Variants in SLK observed in about 807,000 individuals in gnomAD.
SLK encodes STE20 like kinase, also known as STE20-like serine/threonine-protein kinase.
In SLK, 67 loss-of-function variants were observed where a neutral mutation model predicts 147.7. That is an observed-to-expected ratio of 0.45 (90% CI 0.37 to 0.56). The LOEUF (loss-of-function observed/expected upper bound fraction) is 0.56. Among genes scored for constraint, SLK ranks in the 20% least tolerant of loss-of-function variants. The pLI is 0.00. For synonymous variants in SLK, 441 were observed against 475.0 expected (o/e 0.93, Z 0.93); for missense variants, 1,136 against 1,438.8 (o/e 0.79, Z 3.41).
Position 104,002,363 on chromosome 10 carries a change from G to A in SLK, c.1185G>A (p.Glu395=). ...PTTDEPEKAV[E]DINEHITDAQ... is the part of the protein sequence containing the mutation. ...CTGATGAACCTGAAAAGGCTGTGGA[G>A]GATATTAATGAACATATTACCGATG... The change falls in exon 9 of 19, where the codon GAG becomes GAA. Residue 395 remains glutamate (E), a synonymous_variant. Transcript: ENST00000369755. The A allele has an allele frequency of 6.2e-7, 1 of 1,613,500 alleles. No individual in the cohort carries two copies. The highest frequency in any genetic ancestry group is 1.7e-5 in the Admixed American group (1 of 59,912).
rs1280959179 is a variant in SLK at position 104,007,923 on chromosome 10, G to A, written c.2605-254G>A. On this transcript the variant is annotated intron_variant, in intron 11 of 18. Coordinates refer to ENST00000369755, the MANE Select transcript of SLK (RefSeq NM_014720.4). ...ACTGTGATTGTGCAACTGCACTCCAGCCTGGGTGACAGAGTGAGACCCTGT... is the reference window on the plus strand; with the variant it reads ...ACTGTGATTGTGCAACTGCACTCCAACCTGGGTGACAGAGTGAGACCCTGT... Among the ~76,000 whole-genome samples, 3 of 152,116 alleles carry A rather than the reference G, an allele frequency of 2.0e-5. No individual in the cohort carries two copies. In the East Asian group the frequency reaches 5.8e-4, roughly 29 times the overall value.
Position 104,003,393 on chromosome 10 carries a change from G to A in SLK, c.2215G>A (p.Glu739Lys). Residue 739 changes from glutamate (E) to lysine (K), a missense_variant, in exon 9 of 19, where the codon GAA (glutamate) becomes AAA (lysine). By Grantham distance (56) the Glu-to-Lys change is moderately conservative. Around this residue, in one of 6 missense-constraint regions of SLK, gnomAD observed 516 missense variants for 531.3 expected, o/e 0.97. Coordinates refer to ENST00000369755, the MANE Select transcript of SLK (RefSeq NM_014720.4). Reference sequence around the variant, plus strand: ...AAAAACTGAAACTATTCTGCCACCAGAATCTGAGAATCCAAAGGAAAATGA... The same window carrying A: ...AAAAACTGAAACTATTCTGCCACCAAAATCTGAGAATCCAAAGGAAAATGA... ...LSKTETILPP[E>K]SENPKENDND... 1 of 1,614,040 alleles carries A rather than the reference G, an allele frequency of 6.2e-7. No individual in the cohort carries two copies. The highest frequency in any genetic ancestry group is 8.5e-7 in the Non-Finnish European group (1 of 1,179,956).
chr10:103,997,541 G>A (rs916183435), intron 4 of SLK, among the ~76,000 whole-genome samples: 1 of 151,876 alleles, frequency 6.6e-6, no homozygotes, highest in African/African-American at 2.4e-5. Flanking sequence ...CATTTCTAAC[G>A]GAAATGTACA....
intron 18 of SLK, among the ~76,000 whole-genome samples, chr10:104,022,980 T>C (rs1322313167): frequency 1.3e-5 from 2 of 152,274 alleles, no homozygotes; most frequent in Non-Finnish European, 2.9e-5. Context: ...TCATGTAGTT[T>C]AGAATTCAAA....
chr10:103,982,500 A>G (rs1184069863), intron 1 of SLK, among the ~76,000 whole-genome samples: 1 of 152,244 alleles, frequency 6.6e-6, no homozygotes, highest in Non-Finnish European at 1.5e-5. Context: ...TGAAGAAAAT[A>G]TAAGGAGAAT....
intron 7 of SLK, 65 bp from the exon 8 acceptor site, chr10:104,001,375 TTGTG>T (rs1564657652): frequency 1.6e-6 from 2 of 1,240,090 alleles, no homozygotes; most frequent in African/African-American, 3.0e-5. Flanking sequence ...AGAATGTGTG[TTGTG>T]TGTGTTTGAA....
At chr10:103,983,634 C>T (rs1258802248) in intron 1 of SLK, among the ~76,000 whole-genome samples, 2 of 150,252 alleles carry the variant, frequency 1.3e-5, no homozygotes, top group East Asian at 3.9e-4. Context: ...AACTTCCTGT[C>T]TGCTTGTTAC....
chr10:104,015,749 A>G (rs1454717281), intron 13 of SLK, among the ~76,000 whole-genome samples: 2 of 152,184 alleles, frequency 1.3e-5, no homozygotes, highest in Non-Finnish European at 2.9e-5. Context: ...TAGATGAGAA[A>G]TTACATTTAC....
At chr10:103,995,254 G>C (rs1386216300) in intron 4 of SLK, among the ~76,000 whole-genome samples, 2 of 151,986 alleles carry the variant, frequency 1.3e-5, no homozygotes, top group African/African-American at 4.8e-5. Context: ...AGCTCATGTT[G>C]TTCCATCTTT....
chr10:103,975,738 C>T (rs913986571), intron 1 of SLK, among the ~76,000 whole-genome samples: 3 of 151,914 alleles, frequency 2.0e-5, no homozygotes, highest in African/African-American at 4.8e-5. Context: ...ATAGTTTATC[C>T]ATTCTGTAGT....
At chr10:103,996,631 C>T (rs1203448915) in intron 4 of SLK, among the ~76,000 whole-genome samples, 1 of 152,028 alleles carries the variant, frequency 6.6e-6, no homozygotes, top group Non-Finnish European at 1.5e-5. Context: ...ATCTCCTGAC[C>T]TCGTGATCCA....
chr10:104,003,922 A>G (rs1227589856), intron 9 of SLK, among the ~76,000 whole-genome samples: 1 of 152,216 alleles, frequency 6.6e-6, no homozygotes, highest in Non-Finnish European at 1.5e-5. Context: ...TGGCCCATAC[A>G]GTCACAGACA....
At chr10:103,983,169 T>G (rs1337597934) in intron 1 of SLK, among the ~76,000 whole-genome samples, 2 of 152,210 alleles carry the variant, frequency 1.3e-5, no homozygotes, top group Admixed American at 6.5e-5. Context: ...TCTGTGTGTT[T>G]GCTAAATGAT....
At chr10:104,025,370 C>G (rs1031921676) in intron 18 of SLK, among the ~76,000 whole-genome samples, 1 of 151,986 alleles carries the variant, frequency 6.6e-6, no homozygotes, top group African/African-American at 2.4e-5. Flanking sequence ...AGTAATGGAC[C>G]CAAATTGTCC....
chr10:103,977,427 A>T (rs1372741451), intron 1 of SLK, among the ~76,000 whole-genome samples: 1 of 152,180 alleles, frequency 6.6e-6, no homozygotes, highest in African/African-American at 2.4e-5. Context: ...CCTGGGCAAC[A>T]TAGCGAGACC....
At chr10:104,008,111 T>A (rs1844352034) in intron 11 of SLK, 66 bp from the exon 12 acceptor site, 2 of 1,218,868 alleles carry the variant, frequency 1.6e-6, no homozygotes, top group Non-Finnish European at 2.3e-6. Context: ...TTAGGAAACA[T>A]CTTTACTATA....
chr10:104,010,941 G>A (rs777630922), intron 13 of SLK, 33 bp downstream of exon 13: 56 of 1,383,838 alleles, frequency 4.0e-5, no homozygotes, highest in Non-Finnish European at 5.2e-5. Flanking sequence ...ACTAAAACCA[G>A]AAAGCACCAT....
At chr10:104,022,046 G>A (rs1844542566) in intron 18 of SLK, among the ~76,000 whole-genome samples, 1 of 152,322 alleles carries the variant, frequency 6.6e-6, no homozygotes, top group Admixed American at 6.5e-5. Flanking sequence ...TGCAAGCCAA[G>A]TGAGTCTTGA....
At chr10:104,016,791 C>T (rs1383378068) in intron 13 of SLK, among the ~76,000 whole-genome samples, 1 of 152,106 alleles carries the variant, frequency 6.6e-6, no homozygotes, top group Non-Finnish European at 1.5e-5. Context: ...TGAGGAGCTG[C>T]CTGGCAGTGA....
Sources: gnomAD v4.1 joint callset for allele counts (sites outside exome capture counted in the v4.1 genomes callset) on GRCh38, gnomAD v4.1.1 for gene constraint, gnomAD v4.1.1 regional missense constraint, MANE v1.5 for transcripts, NCBI Gene and HGNC (gene_info 2026-07-23, HGNC 2026-07-21) for gene names.